The following EP300 variants were observed in gnomAD, a reference collection of about 807,000 sequenced individuals.
EP300 encodes the protein histone acetyltransferase p300.
In EP300, 31 loss-of-function variants were observed where a neutral mutation model predicts 264.0. The ratio of observed to expected loss-of-function variants is 0.12; its 90% CI spans 0.09 to 0.16. The LOEUF is 0.16. Ranked by LOEUF, EP300 falls within the 10% of genes least tolerant of loss-of-function variation. EP300 has a pLI of 1.00. For missense variants in EP300, 2,766 were observed against 3,052.9 expected (o/e 0.91, Z 2.21); for synonymous variants, 1,340 against 1,045.4 (o/e 1.28, Z -5.44).
intron 14 of EP300, among the ~76,000 whole-genome samples, chr22:41,151,112 T>A (rs2059041786): frequency 6.6e-6 from 1 of 152,124 alleles, no homozygotes; most frequent in African/African-American, 2.4e-5. Flanking sequence ...GATATTAATA[T>A]ATATCGGTAT....
At chr22:41,162,179 A>G (rs1755393696) in intron 20 of EP300, among the ~76,000 whole-genome samples, 1 of 152,236 alleles carries the variant, frequency 6.6e-6, no homozygotes, top group African/African-American at 2.4e-5. Context: ...CAGGCCATTC[A>G]GGAAAATGCT....
chr22:41,124,099 T>A (rs2058867486), intron 2 of EP300, among the ~76,000 whole-genome samples: 1 of 152,146 alleles, frequency 6.6e-6, no homozygotes, highest in African/African-American at 2.4e-5. Flanking sequence ...AGTAAAAAAA[T>A]TAGCTGAGTA....
chr22:41,168,603 T>C lies in EP300; in HGVS notation c.4025+4T>C. On this transcript the variant is annotated splice_donor_region_variant and intron_variant, in intron 24 of 30. Transcript: ENST00000263253. ...TAAAACCAGGCATGAAAGCAAGGTA[T>C]CTAGTCATTTCACTTTTCTTCTCCT... 6.2e-7 allele frequency: 1 copy of C among 1,614,200 alleles called. No individual in the cohort carries two copies. Among genetic ancestry groups the C allele is most frequent in the Non-Finnish European group, 8.5e-7 (1 of 1,180,034 alleles).
chr22:41,130,105 A>G (rs1466904793), intron 5 of EP300, 102 bp downstream of exon 5: 1 of 849,290 alleles, frequency 1.2e-6, no homozygotes, highest in Non-Finnish European at 1.9e-6. Flanking sequence ...GTGGTGTTGT[A>G]CTATGTTGAA....
chr22:41,173,497 G>A (rs1024295469), intron 28 of EP300, 126 bp from the exon 29 acceptor site: 5 of 992,956 alleles, frequency 5.0e-6, no homozygotes, highest in African/African-American at 3.3e-5. Flanking sequence ...GAAGAGAACA[G>A]CTAGTAAAAT....
intron 23 of EP300, among the ~76,000 whole-genome samples, chr22:41,167,904 C>G (rs1205291635): frequency 7.1e-6 from 1 of 140,104 alleles, no homozygotes; most frequent in Non-Finnish European, 1.5e-5. Flanking sequence ...TCACTGCAGC[C>G]TCTGCCTCCC....
At chr22:41,110,847 GT>G (rs1471978817) in intron 1 of EP300, among the ~76,000 whole-genome samples, 1 of 151,544 alleles carries the variant, frequency 6.6e-6, no homozygotes, top group Admixed American at 6.6e-5. Flanking sequence ...GGGGAATGAT[GT>G]TTTTAATACT....
chr22:41,109,209 C>A (rs1439889942), intron 1 of EP300, among the ~76,000 whole-genome samples: 1 of 149,174 alleles, frequency 6.7e-6, no homozygotes, highest in Non-Finnish European at 1.5e-5. Context: ...TGCTGTGATC[C>A]CGTCGCTCCA....
chr22:41,093,648 C>A (rs944520266), intron 1 of EP300, among the ~76,000 whole-genome samples: 1 of 152,118 alleles, frequency 6.6e-6, no homozygotes, highest in African/African-American at 2.4e-5. Context: ...TTTATCTTAC[C>A]TACCATTCTT....
Position 41,166,586 on chromosome 22 carries a change from G to C in EP300, c.3807-13G>C. The C allele has an allele frequency of 1.2e-6, 2 of 1,609,912 alleles. No homozygotes were observed. The highest frequency in any genetic ancestry group is 1.7e-5 in the Admixed American group (1 of 59,926). Reference sequence around the variant, plus strand: ...ATCTAAGTTGTGTAAGCAAAGTTTTGGTTTACATTTAGATTCGTCTGTGAT... The same window carrying C: ...ATCTAAGTTGTGTAAGCAAAGTTTTCGTTTACATTTAGATTCGTCTGTGAT... On this transcript the variant is annotated splice_polypyrimidine_tract_variant and intron_variant, in intron 22 of 30. Coordinates refer to ENST00000263253, the MANE Select transcript of EP300 (RefSeq NM_001429.4).
intron 29 of EP300, among the ~76,000 whole-genome samples, chr22:41,174,176 A>G (rs535370123): frequency 6.6e-6 from 1 of 152,336 alleles, no homozygotes; most frequent in African/African-American, 2.4e-5. Context: ...TCATGCCTGT[A>G]ATCCCAGCAC....
chr22:41,164,126 G>T lies in EP300; in HGVS notation c.3802G>T (p.Ala1268Ser), dbSNP rs1203373368. Reference protein sequence around the residue: ...CVLHHEIIWPAGFVCDGCLKK... With the variant: ...CVLHHEIIWPSGFVCDGCLKK... ...CCTTCACCATGAGATCATCTGGCCT[G>T]CTGGGTAAGTCTTAACGTTGTTACT... Residue 1268 changes from alanine (A) to serine (S), a missense_variant, in exon 22 of 31, where the codon GCT becomes TCT. Coordinates refer to ENST00000263253, the MANE Select transcript of EP300 (RefSeq NM_001429.4). The T allele has an allele frequency of 8.1e-6, 13 of 1,613,834 alleles. No homozygotes were observed. The highest frequency in any genetic ancestry group is 1.0e-5 in the Non-Finnish European group (12 of 1,179,872).
At chr22:41,098,779 C>T (rs2058715828) in intron 1 of EP300, among the ~76,000 whole-genome samples, 1 of 152,042 alleles carries the variant, frequency 6.6e-6, no homozygotes, top group Admixed American at 6.6e-5. Context: ...AGTTCATAGC[C>T]CAGGCTTGTA....
intron 1 of EP300, among the ~76,000 whole-genome samples, chr22:41,093,437 G>A (rs189982935): frequency 6.6e-6 from 1 of 152,256 alleles, no homozygotes; most frequent in African/African-American, 2.4e-5. Flanking sequence ...TGCAATTTAA[G>A]TTTCATTTTT....
chr22:41,157,579 G>C (rs1649476699), intron 18 of EP300, among the ~76,000 whole-genome samples, 171 bp downstream of exon 18: 1 of 141,812 alleles, frequency 7.1e-6, no homozygotes, highest in African/African-American at 2.6e-5. Flanking sequence ...GTGCAGTGGT[G>C]AGGTCATAGC....
At chr22:41,093,725 C>T (rs2058687260) in intron 1 of EP300, among the ~76,000 whole-genome samples, 1 of 152,176 alleles carries the variant, frequency 6.6e-6, no homozygotes, top group Non-Finnish European at 1.5e-5. Context: ...CATTTCACAT[C>T]TCCCAGTTCT....
At chr22:41,093,570 T>TA (rs1164215478) in intron 1 of EP300, among the ~76,000 whole-genome samples, 3 of 152,236 alleles carry the variant, frequency 2.0e-5, no homozygotes, top group Non-Finnish European at 4.4e-5. Flanking sequence ...GAATAGGGTG[T>TA]AAAAAAATCT....
intron 1 of EP300, among the ~76,000 whole-genome samples, chr22:41,103,983 C>T (rs903401995): frequency 3.1e-4 from 47 of 152,266 alleles, no homozygotes; most frequent in African/African-American, 1.1e-3. Flanking sequence ...CTTGGTTTGC[C>T]AGTTGTTATA....
chr22:41,118,469 T>A (rs1407676441), intron 2 of EP300, among the ~76,000 whole-genome samples: 1 of 152,266 alleles, frequency 6.6e-6, no homozygotes, highest in South Asian at 2.1e-4. Context: ...TATTTTTCTT[T>A]ACATATTTTA....
Sources: allele counts gnomAD v4.1 joint callset (sites outside exome capture counted in the v4.1 genomes callset), GRCh38; gene constraint gnomAD v4.1.1; transcripts MANE v1.5; gene names NCBI Gene and HGNC (gene_info 2026-07-23, HGNC 2026-07-21).